PALLD: variants seen among roughly 807,000 people sequenced by gnomAD.
The protein encoded by PALLD is palladin.
PALLD carries 61 observed loss-of-function variants against 123.5 expected under a neutral mutation model. That is an observed-to-expected ratio of 0.49 (90% CI 0.40 to 0.61). The LOEUF is 0.61. Among genes scored for constraint, PALLD ranks in the 20% least tolerant of loss-of-function variants. The pLI, the probability that PALLD is intolerant of heterozygous loss-of-function variation, is 0.00. For synonymous variants in PALLD, 465 were observed against 496.4 expected (o/e 0.94, Z 0.84); for missense variants, 1,273 against 1,377.0 (o/e 0.92, Z 1.20).
rs1762745876 is a variant in PALLD, at chr4:168,927,805, T to G, written c.*1625T>G. 4.6e-6 allele frequency: 1 copy of G among 216,002 alleles called. No homozygotes were observed. The highest frequency in any genetic ancestry group is 2.3e-5 in the African/African-American group (1 of 44,318). 13.4% of individuals were successfully genotyped at this position (216,002 alleles called of 1,614,324 possible). A position where few individuals can be genotyped will look rare whatever the true frequency, so the allele number is the denominator to read the frequency against. On this transcript the variant is annotated 3_prime_UTR_variant, in exon 22 of 22. Transcript: ENST00000505667. ...GTTTTAAGTCGGAACCGATAAATTT[T>G]AAAAAGGAGAAAAAATAATTTGACC...
intron 2 of PALLD, among the ~76,000 whole-genome samples, chr4:168,615,213 G>A (rs1312679974): frequency 6.6e-6 from 1 of 151,204 alleles, no homozygotes; most frequent in Non-Finnish European, 1.5e-5. Context: ...CATACAAAAG[G>A]TACTAAGAAT....
chr4:168,889,167 G>GTGTGTGTGTGTGTGTGTGGT (rs1560861904), intron 10 of PALLD, among the ~76,000 whole-genome samples: 3 of 41,474 alleles, frequency 7.2e-5, no homozygotes, highest in African/African-American at 1.5e-4. Flanking sequence ...TGTGTGTGTG[G>GTGTGTGTGTGTGTGTGTGGT]TTTTTTTTTT....
At chr4:168,622,250 T>C (rs1249401217) in intron 2 of PALLD, among the ~76,000 whole-genome samples, 2 of 152,176 alleles carry the variant, frequency 1.3e-5, no homozygotes, top group African/African-American at 2.4e-5. Context: ...ATTCCTCCAG[T>C]GTAGATACTA....
At chr4:168,658,619 T>C (rs925216314) in intron 2 of PALLD, among the ~76,000 whole-genome samples, 7 of 152,072 alleles carry the variant, frequency 4.6e-5, no homozygotes, top group African/African-American at 7.2e-5. Context: ...TAAATAAATA[T>C]CTGTATATTC....
chr4:168,729,204 A>G (rs1452822634), intron 10 of PALLD, among the ~76,000 whole-genome samples: 4 of 152,164 alleles, frequency 2.6e-5, no homozygotes. Context: ...TTTGCTAGGT[A>G]CTACATCATG....
At chr4:168,757,585 C>A (rs558777058) in intron 10 of PALLD, among the ~76,000 whole-genome samples, 5 of 152,166 alleles carry the variant, frequency 3.3e-5, no homozygotes, top group Admixed American at 1.3e-4. Context: ...ACAGAAAGAA[C>A]GAAATCTCAG....
chr4:168,924,108 T>C (rs750954768), intron 18 of PALLD, 147 bp from the exon 19 acceptor site: 13 of 679,828 alleles, frequency 1.9e-5, no homozygotes, highest in Non-Finnish European at 2.6e-5. Context: ...AAAGAATAAT[T>C]TGGAGAGGGG....
intron 2 of PALLD, among the ~76,000 whole-genome samples, chr4:168,659,676 A>G (rs1353872066): frequency 6.6e-6 from 1 of 152,210 alleles, no homozygotes; most frequent in Non-Finnish European, 1.5e-5. Flanking sequence ...AACATTTACC[A>G]TTTTGCTTAG....
rs1261103318 is a variant in PALLD at position 168,511,896 on chromosome 4, C to T, written c.392C>T (p.Pro131Leu). 2 of 1,614,158 alleles carry T rather than the reference C, an allele frequency of 1.2e-6. No individual in the cohort carries two copies. The part of the protein sequence containing the change: ...KPAMSPLLTR[P>L]SYIRSLRKAE... ...GCCATGTCACCCCTGCTCACCAGGCCCAGCTACATCCGGAGCCTCCGAAAG... is the reference window on the plus strand; with the variant it reads ...GCCATGTCACCCCTGCTCACCAGGCTCAGCTACATCCGGAGCCTCCGAAAG... Residue 131 changes from proline (P) to leucine (L), a missense_variant, in exon 2 of 22, where the codon CCC becomes CTC. Physicochemically the swap from Pro to Leu is moderately conservative, Grantham distance 98 (BLOSUM62 -3). Coordinates refer to ENST00000505667, the MANE Select transcript of PALLD (RefSeq NM_001166108.2).
At position 168,741,757 on chromosome 4, in the gene PALLD, A is replaced by G. The variant is rs1447170219; in HGVS notation, c.1964+29834A>G. 2.6e-5 allele frequency among the ~76,000 whole-genome samples: 4 copies of G among 152,204 alleles called. No individual in the cohort carries two copies. In the South Asian group the frequency reaches 8.3e-4, roughly 32 times the overall value. Reference sequence around the variant, plus strand: ...AAGAGGAAAATAAAAAGAGCAATTCATCCTGCAAAGACCTAGAACATGAGT... The same window carrying G: ...AAGAGGAAAATAAAAAGAGCAATTCGTCCTGCAAAGACCTAGAACATGAGT... On this transcript the variant is annotated intron_variant, in intron 10 of 21. Transcript: ENST00000505667.
Position 168,801,775 on chromosome 4 carries a change from G to A in PALLD, c.1965-89147G>A, listed in dbSNP as rs72988915. ...ACCCCGTCGTGCTTGCAGAGGCACC[G>A]CTGGGTGTCAGGGAACCTGCCTGCT... On this transcript the variant is annotated intron_variant, in intron 10 of 21. Transcript: ENST00000505667. Among the ~76,000 whole-genome samples, 749 of 152,304 alleles carry A rather than the reference G, an allele frequency of 4.9e-3. 6 individuals are homozygous for A. Among genetic ancestry groups the A allele is most frequent in the African/African-American group, 0.017 (713 of 41,554 alleles).
chr4:168,832,032 T>G (rs1402773321), intron 10 of PALLD: 1 of 985,232 alleles, frequency 1.0e-6, no homozygotes, highest in African/African-American at 1.7e-5. Flanking sequence ...GGGTGAAGGC[T>G]CGGAGCCTCC....
intron 8 of PALLD, among the ~76,000 whole-genome samples, chr4:168,701,235 T>TA (rs1783643050): frequency 6.6e-6 from 1 of 152,242 alleles, no homozygotes; most frequent in South Asian, 2.1e-4. Context: ...CTTAGAAACT[T>TA]ACCAGAGCGT....
chr4:168,793,019 G>A (rs886127969), intron 10 of PALLD, among the ~76,000 whole-genome samples: 2 of 151,228 alleles, frequency 1.3e-5, no homozygotes, highest in Non-Finnish European at 2.9e-5. Flanking sequence ...CACACACCTC[G>A]GCCTCCCAAA....
chr4:168,588,410 T>A (rs544386939), intron 2 of PALLD, among the ~76,000 whole-genome samples: 1 of 148,884 alleles, frequency 6.7e-6, no homozygotes. Context: ...AGATACTTTT[T>A]ATTTTTTTTT....
At chr4:168,761,045 T>C (rs1277499059) in intron 10 of PALLD, among the ~76,000 whole-genome samples, 2 of 152,218 alleles carry the variant, frequency 1.3e-5, no homozygotes, top group African/African-American at 2.4e-5. Flanking sequence ...ACCCAAGGAC[T>C]GAGTTGCAAG....
chr4:168,697,344 A>G (rs1269758820), intron 8 of PALLD, among the ~76,000 whole-genome samples: 1 of 152,254 alleles, frequency 6.6e-6, no homozygotes, highest in Admixed American at 6.5e-5. Context: ...GGTGGGGTAC[A>G]GGAAGCAGGA....
intron 14 of PALLD, among the ~76,000 whole-genome samples, chr4:168,902,605 G>T (rs533850159): frequency 2.0e-5 from 3 of 151,960 alleles, no homozygotes; most frequent in African/African-American, 7.3e-5. Context: ...CTGCACCACC[G>T]CACTCTGCAC....
In PALLD at chr4:168,849,622, CATT is replaced by C. The variant is rs1367018203; in HGVS notation, c.1965-41296_1965-41294del. ...ACCATGCTTAATATTCACGTTTTAT[CATT>C]ATTGATGGAAAGTGAAAGAAAATTT... is the stretch of plus-strand genomic sequence containing the variant. On this transcript the variant is annotated intron_variant, in intron 10 of 21. Transcript: ENST00000505667. Among the ~76,000 whole-genome samples, 3 of 152,294 alleles carry C rather than the reference CATT, an allele frequency of 2.0e-5. No individual in the cohort carries two copies. The East Asian group carries it at 5.8e-4, about 29-fold the overall frequency.
Sources: gnomAD v4.1 joint callset for allele counts (sites outside exome capture counted in the v4.1 genomes callset) on GRCh38, gnomAD v4.1.1 for gene constraint, MANE v1.5 for transcripts, NCBI Gene and HGNC (gene_info 2026-07-23, HGNC 2026-07-21) for gene names.